ORC2: variants seen among roughly 807,000 people sequenced by gnomAD.
The protein encoded by ORC2 is origin recognition complex subunit 2, also known as origin recognition complex protein 2 homolog.
Under a neutral mutation model 77.7 loss-of-function variants are expected in ORC2, and 37 were observed. The observed-to-expected ratio is 0.48, with a 90% CI of 0.37 to 0.63. ORC2 has a LOEUF of 0.63. Among genes scored for constraint, ORC2 ranks in the 20% least tolerant of loss-of-function variants. The probability of loss-of-function intolerance (pLI) is 0.00; values close to 1 mark genes in which losing one functional copy is unlikely to be tolerated. For synonymous variants in ORC2, 201 were observed against 229.5 expected (o/e 0.88, Z 1.12); for missense variants, 557 against 661.9 (o/e 0.84, Z 1.74).
At chr2:200,929,195 C>T (rs1167966156) in intron 11 of ORC2, among the ~76,000 whole-genome samples, 1 of 152,186 alleles carries the variant, frequency 6.6e-6, no homozygotes, top group Non-Finnish European at 1.5e-5. Flanking sequence ...AGGTGATCCA[C>T]CCACCTTGGC....
chr2:200,961,515 A>T (rs2041573736), intron 1 of ORC2, among the ~76,000 whole-genome samples: 1 of 152,064 alleles, frequency 6.6e-6, no homozygotes, highest in Admixed American at 6.5e-5. Flanking sequence ...TCTACATGTC[A>T]ATTAGGGTTA....
chr2:200,913,818 G>C (rs2124925689), intron 16 of ORC2, 113 bp downstream of exon 16: 1 of 1,443,804 alleles, frequency 6.9e-7, no homozygotes. Flanking sequence ...CATCATGAGT[G>C]ACCACTTACT....
chr2:200,918,188 A>G (rs1481150582), intron 15 of ORC2, among the ~76,000 whole-genome samples: 1 of 152,226 alleles, frequency 6.6e-6, no homozygotes, highest in Non-Finnish European at 1.5e-5. Flanking sequence ...CTATCATCCC[A>G]TATAAGTCAA....
chr2:200,950,837 TG>T (rs1369175969), intron 4 of ORC2, among the ~76,000 whole-genome samples: 1 of 152,220 alleles, frequency 6.6e-6, no homozygotes, highest in Non-Finnish European at 1.5e-5. Context: ...CACCAACGCT[TG>T]GTTTTATCCA....
chr2:200,940,503 C>A (rs1352308300), intron 7 of ORC2, among the ~76,000 whole-genome samples: 1 of 151,974 alleles, frequency 6.6e-6, no homozygotes, highest in African/African-American at 2.4e-5. Context: ...AAAATTATAC[C>A]ACAAAAACAC....
chr2:200,949,493 G>T (rs2041312058), intron 5 of ORC2, 61 bp downstream of exon 5: 1 of 862,576 alleles, frequency 1.2e-6, no homozygotes, highest in African/African-American at 1.7e-5. Context: ...CATGGGGAAT[G>T]TGGTTAAATC....
In ORC2 at chr2:200,958,224, C is replaced by T. The variant is rs2125038652; in HGVS notation, c.-10-91G>A. On this transcript the variant is annotated intron_variant, in intron 2 of 17. Coordinates refer to ENST00000234296, the MANE Select transcript of ORC2 (RefSeq NM_006190.5). ...TCACATAATGAATACATGTCTTTATCTAATATTTTTAAAGTCTTTTTAAGT... is the reference window on the plus strand; with the variant it reads ...TCACATAATGAATACATGTCTTTATTTAATATTTTTAAAGTCTTTTTAAGT... 1.0e-5 allele frequency: 7 copies of T among 703,182 alleles called. No homozygotes were observed. The East Asian group carries it at 1.9e-4, about 19-fold the overall frequency. 43.6% of individuals were successfully genotyped at this position (703,182 alleles called of 1,614,324 possible). A position where few individuals can be genotyped will look rare whatever the true frequency, so the allele number is the denominator to read the frequency against.
At chr2:200,917,388 G>A (rs2040675463) in intron 15 of ORC2, among the ~76,000 whole-genome samples, 1 of 152,124 alleles carries the variant, frequency 6.6e-6, no homozygotes. Flanking sequence ...CTGGCCTCAT[G>A]CAATCTTCCC....
At chr2:200,938,412 T>C (rs569236222) in intron 7 of ORC2, among the ~76,000 whole-genome samples, 2 of 152,332 alleles carry the variant, frequency 1.3e-5, no homozygotes, top group African/African-American at 4.8e-5. Context: ...TATATGGCAA[T>C]GGGCCTTTTA....
At position 200,911,097 on chromosome 2, in the gene ORC2, A is replaced by G; in HGVS notation, c.*204T>C. ...ATGAATGAAAGGCACATTTTCTCCAACTTGAGGACCGCTGCATAGTACTAG... is the reference window on the plus strand; with the variant it reads ...ATGAATGAAAGGCACATTTTCTCCAGCTTGAGGACCGCTGCATAGTACTAG... On this transcript the variant is annotated 3_prime_UTR_variant, in exon 18 of 18. Transcript: ENST00000234296. The G allele has an allele frequency of 2.3e-6, 1 of 438,618 alleles. No individual in the cohort carries two copies. The highest frequency in any genetic ancestry group is 4.1e-6 in the Non-Finnish European group (1 of 243,142). The allele number at this position is 438,618 out of a possible 1,614,324, so 27.2% of individuals were successfully genotyped here.
intron 15 of ORC2, among the ~76,000 whole-genome samples, chr2:200,918,258 C>A (rs961903366): frequency 4.6e-5 from 7 of 152,140 alleles, no homozygotes; most frequent in Admixed American, 2.0e-4. Context: ...GGCTTCAACT[C>A]TGCTCACTGA....
At chr2:200,938,456 C>T (rs1361044401) in intron 7 of ORC2, among the ~76,000 whole-genome samples, 1 of 152,068 alleles carries the variant, frequency 6.6e-6, no homozygotes, top group Non-Finnish European at 1.5e-5. Context: ...TAAAGTATTA[C>T]ATTCTTTGAG....
At chr2:200,961,332 G>A (rs373534107) in intron 1 of ORC2, among the ~76,000 whole-genome samples, 25 of 151,602 alleles carry the variant, frequency 1.6e-4, no homozygotes, top group African/African-American at 5.3e-4. Context: ...GCTAATTTTT[G>A]TATTTTTTTG....
At chr2:200,960,295 C>T (rs755521513) in intron 1 of ORC2, among the ~76,000 whole-genome samples, 1 of 151,200 alleles carries the variant, frequency 6.6e-6, no homozygotes, top group Non-Finnish European at 1.5e-5. Context: ...TTTTTTTAAA[C>T]AACAACGACA....
chr2:200,958,099 C>T lies in ORC2; in HGVS notation c.25G>A (p.Asp9Asn). Residue 9 changes from aspartate (D) to asparagine (N), a missense_variant, in exon 3 of 18, where the codon GAC becomes AAC. Coordinates refer to ENST00000234296, the MANE Select transcript of ORC2 (RefSeq NM_006190.5). MSKPELKE[D>N]KMLEVHFVGD... ...ACAAAGTGAACCTCCAGCATCTTGT[C>T]TTCCTTTAATTCTGGTTTACTCATT... 1 of 1,612,170 alleles carries T rather than the reference C, an allele frequency of 6.2e-7. No homozygotes were observed. Among genetic ancestry groups the T allele is most frequent in the Non-Finnish European group, 8.5e-7 (1 of 1,178,712 alleles).
At chr2:200,950,735 C>T (rs1290151576) in intron 4 of ORC2, among the ~76,000 whole-genome samples, 1 of 152,100 alleles carries the variant, frequency 6.6e-6, no homozygotes, top group East Asian at 1.9e-4. Context: ...TAATTTTTGT[C>T]AATACTTAAT....
At chr2:200,950,001 A>C (rs2125020126) in intron 4 of ORC2, among the ~76,000 whole-genome samples, 1 of 152,258 alleles carries the variant, frequency 6.6e-6, no homozygotes, top group South Asian at 2.1e-4. Context: ...TGAAAAGTAC[A>C]ATTGTTGAGG....
chr2:200,917,337 G>A (rs1049625761), intron 15 of ORC2, among the ~76,000 whole-genome samples: 1 of 151,902 alleles, frequency 6.6e-6, no homozygotes, highest in East Asian at 1.9e-4. Context: ...TTTACTTTTT[G>A]TAGAGATGGG....
intron 1 of ORC2, among the ~76,000 whole-genome samples, chr2:200,960,924 G>A (rs1353231239): frequency 1.3e-5 from 2 of 151,752 alleles, no homozygotes; most frequent in East Asian, 3.9e-4. Context: ...CTACAGGTGT[G>A]CACCACCACA....
Sources: allele counts gnomAD v4.1 joint callset (sites outside exome capture counted in the v4.1 genomes callset), GRCh38; gene constraint gnomAD v4.1.1; transcripts MANE v1.5; gene names NCBI Gene and HGNC (gene_info 2026-07-23, HGNC 2026-07-21).